NTM: variants seen among roughly 807,000 people sequenced by gnomAD.
NTM encodes the protein IgLON family member 2.
NTM carries 13 observed loss-of-function variants against 42.1 expected under a neutral mutation model. The ratio of observed to expected loss-of-function variants is 0.31; its 90% confidence interval spans 0.20 to 0.49. The LOEUF (loss-of-function observed/expected upper bound fraction) is 0.49. Ranked by LOEUF, NTM falls within the 20% of genes least tolerant of loss-of-function variation. NTM has a pLI of 0.99. For missense variants in NTM, 373 were observed against 452.8 expected, an observed-to-expected ratio of 0.82 and a Z score of 1.60; for synonymous variants, 187 against 179.2, an observed-to-expected ratio of 1.04 and a Z score of -0.35.
intron 1 of NTM, among the ~76,000 whole-genome samples, chr11:131,802,081 C>T (rs1483171354): frequency 2.0e-5 from 3 of 152,124 alleles, no homozygotes; most frequent in South Asian, 2.1e-4. Context: ...CATTACAATG[C>T]ATAGGTAAGA....
At position 131,852,902 on chromosome 11, in the gene NTM, C is replaced by A. The variant is rs533270992; in HGVS notation, c.83-58662C>A. Among the ~76,000 whole-genome samples the A allele has an allele frequency of 1.6e-4, 24 of 148,970 alleles. 1 individual carries two copies. The South Asian group carries it at 5.1e-3, about 32-fold the overall frequency. Reference sequence around the variant, plus strand: ...TCCGTCCATCCATCCATCCACCCACCCATCCATCCATCCATCCACCCACCC... The same window carrying A: ...TCCGTCCATCCATCCATCCACCCACACATCCATCCATCCATCCACCCACCC... On this transcript the variant is annotated intron_variant, in intron 1 of 8. Transcript: ENST00000683400.
At chr11:131,821,617 G>A (rs1341296825) in intron 1 of NTM, among the ~76,000 whole-genome samples, 2 of 152,192 alleles carry the variant, frequency 1.3e-5, no homozygotes, top group African/African-American at 4.8e-5. Context: ...ACAAAGCAAA[G>A]CGACAAGCAC....
At chr11:131,884,051 C>A (rs775393519) in intron 1 of NTM, among the ~76,000 whole-genome samples, 1 of 152,216 alleles carries the variant, frequency 6.6e-6, no homozygotes, top group Non-Finnish European at 1.5e-5. Flanking sequence ...GGGATAAACT[C>A]ATTTAATCTG....
intron 1 of NTM, among the ~76,000 whole-genome samples, chr11:131,648,632 G>A (rs2066068962): frequency 6.6e-6 from 1 of 152,072 alleles, no homozygotes; most frequent in African/African-American, 2.4e-5. Flanking sequence ...TGTGTCCTGC[G>A]ACAAGTACAG....
intron 1 of NTM, among the ~76,000 whole-genome samples, chr11:131,828,975 C>CCT (rs968312954): frequency 4.7e-5 from 7 of 149,160 alleles, no homozygotes; most frequent in Admixed American, 3.4e-4. Flanking sequence ...CATCACTCTC[C>CCT]CTCTCTCTCT....
At chr11:131,545,922 A>G (rs767110707) in intron 1 of NTM, among the ~76,000 whole-genome samples, 14 of 152,058 alleles carry the variant, frequency 9.2e-5, no homozygotes, top group Non-Finnish European at 1.9e-4. Context: ...GTGACGCTTG[A>G]CTCAGGGAAT....
At chr11:132,042,331 G>A (rs2077314671) in intron 2 of NTM, among the ~76,000 whole-genome samples, 1 of 152,158 alleles carries the variant, frequency 6.6e-6, no homozygotes, top group African/African-American at 2.4e-5. Context: ...TACTGGGACT[G>A]GAAATGCCCA....
chr11:131,788,702 C>T (rs530689564), intron 1 of NTM, among the ~76,000 whole-genome samples: 2 of 152,290 alleles, frequency 1.3e-5, no homozygotes, highest in South Asian at 2.1e-4. Flanking sequence ...TTTCTTCCTC[C>T]TCCCCACTTA....
At chr11:131,496,571 C>A (rs1437807189) in intron 1 of NTM, among the ~76,000 whole-genome samples, 1 of 152,218 alleles carries the variant, frequency 6.6e-6, no homozygotes, top group Non-Finnish European at 1.5e-5. Flanking sequence ...AAGGGTCCAC[C>A]AGCAGCTCTG....
chr11:132,193,061 G>C (rs2079569290), intron 3 of NTM, among the ~76,000 whole-genome samples: 1 of 152,132 alleles, frequency 6.6e-6, no homozygotes, highest in Admixed American at 6.5e-5. Flanking sequence ...GTGGGAGACT[G>C]CAACACCCCA....
chr11:132,303,884 C>T (rs2094968026), intron 4 of NTM, among the ~76,000 whole-genome samples: 1 of 152,150 alleles, frequency 6.6e-6, no homozygotes, highest in Non-Finnish European at 1.5e-5. Context: ...AGTGTCCCCA[C>T]TGCACTCCAC....
In NTM at chr11:131,754,083, G is replaced by T. The variant is rs564864468; in HGVS notation, c.83-157481G>T. Among the ~76,000 whole-genome samples, 13 of 133,922 alleles carry T rather than the reference G, an allele frequency of 9.7e-5. No individual in the cohort carries two copies. The East Asian group carries it at 2.9e-3, about 30-fold the overall frequency. 87.9% of individuals were successfully genotyped at this position (133,922 alleles called of 152,430 possible). A position where few individuals can be genotyped will look rare whatever the true frequency, so the allele number is the denominator to read the frequency against. ...CACTCATAGGTGGGAATTGAACAAT[G>T]AGAACACATGGACACAGGAAGGGGA... On this transcript the variant is annotated intron_variant, in intron 1 of 8. Coordinates refer to ENST00000683400, the MANE Select transcript of NTM (RefSeq NM_001352005.2).
chr11:132,307,954 C>G (rs1447474097), intron 5 of NTM, 131 bp downstream of exon 5: 2 of 786,770 alleles, frequency 2.5e-6, no homozygotes, highest in Middle Eastern at 3.7e-4. Context: ...ACTTTCCACA[C>G]TCTGCTTTCA....
chr11:132,179,532 A>G (rs990916060), intron 3 of NTM, among the ~76,000 whole-genome samples: 1 of 152,128 alleles, frequency 6.6e-6, no homozygotes, highest in East Asian at 1.9e-4. Context: ...CTTGCCTTAC[A>G]CCTCCAGTTA....
At chr11:131,812,890 G>A (rs1416785619) in intron 1 of NTM, among the ~76,000 whole-genome samples, 1 of 152,166 alleles carries the variant, frequency 6.6e-6, no homozygotes, top group East Asian at 1.9e-4. Context: ...AGCATGTGAG[G>A]AGGGACAGCC....
At chr11:132,280,266 A>T (rs1466775996) in intron 4 of NTM, among the ~76,000 whole-genome samples, 1 of 152,050 alleles carries the variant, frequency 6.6e-6, no homozygotes, top group Non-Finnish European at 1.5e-5. Flanking sequence ...AGTTCCTTGG[A>T]TTTATCTTGA....
Position 132,318,442 on chromosome 11 carries a change from G to T in NTM, c.934+3739G>T, listed in dbSNP as rs115329528. The stretch of plus-strand genomic sequence containing the variant: ...GATGCCCCTCAGTGGAACATCATAG[G>T]GGGTCCTTCACTCATTTCTCAGCCC... On this transcript the variant is annotated intron_variant, in intron 7 of 8. Coordinates refer to ENST00000683400, the MANE Select transcript of NTM (RefSeq NM_001352005.2). Among the ~76,000 whole-genome samples the T allele has an allele frequency of 4.8e-3, 729 of 152,166 alleles. 5 individuals are homozygous for T. Among genetic ancestry groups the T allele is most frequent in the African/African-American group, 0.017 (699 of 41,514 alleles).
At chr11:131,878,125 G>A (rs1240879033) in intron 1 of NTM, 2 of 152,192 alleles carry the variant, frequency 1.3e-5, no homozygotes, top group African/African-American at 4.8e-5. Context: ...GAGACATCCT[G>A]TGAGAAGGGG....
At chr11:132,261,206 G>A (rs532803904) in intron 4 of NTM, among the ~76,000 whole-genome samples, 52 of 152,236 alleles carry the variant, frequency 3.4e-4, no homozygotes, top group African/African-American at 1.2e-3. Context: ...GAGAGTAGAG[G>A]TGGCTCCACC....
Sources: gnomAD v4.1 joint callset for allele counts (sites outside exome capture counted in the v4.1 genomes callset) on GRCh38, gnomAD v4.1.1 for gene constraint, MANE v1.5 for transcripts, NCBI Gene and HGNC (gene_info 2026-07-23, HGNC 2026-07-21) for gene names.